EZR: variants seen among roughly 807,000 people sequenced by gnomAD.
EZR encodes cytovillin 2.
In EZR, 40 loss-of-function variants were observed where a neutral mutation model predicts 74.8. The observed-to-expected ratio is 0.53, with a 90% confidence interval of 0.42 to 0.70. The LOEUF is 0.70. EZR is among the 30% of genes least tolerant of loss of function. EZR has a pLI of 0.00. For missense variants in EZR, 678 were observed against 755.8 expected (o/e 0.90, Z 1.21); for synonymous variants, 341 against 283.3 (o/e 1.20, Z -2.05).
At chr6:158,782,881 C>T (rs1489888004) in intron 7 of EZR, among the ~76,000 whole-genome samples, 2 of 152,164 alleles carry the variant, frequency 1.3e-5, no homozygotes, top group African/African-American at 2.4e-5. Context: ...GATGACTTTC[C>T]CTGTTTATCC....
intron 1 of EZR, 57 bp from the exon 2 acceptor site, chr6:158,818,223 G>A (rs908559182): frequency 3.2e-5 from 31 of 983,880 alleles, no homozygotes; most frequent in Middle Eastern, 2.3e-4. Flanking sequence ...TCCTCCTGCC[G>A]CGCCCGACAC....
intron 2 of EZR, among the ~76,000 whole-genome samples, chr6:158,809,916 G>A (rs1417962215): frequency 6.6e-6 from 1 of 152,104 alleles, no homozygotes; most frequent in Non-Finnish European, 1.5e-5. Context: ...GCCAGACTCG[G>A]CCCTAAGATG....
intron 11 of EZR, 108 bp downstream of exon 11, chr6:158,769,676 G>T: frequency 2.0e-6 from 3 of 1,474,214 alleles, no homozygotes; most frequent in South Asian, 2.4e-5. Context: ...CAGCAGATCA[G>T]TTTACAGCTT....
chr6:158,767,653 A>G, intron 12 of EZR, 141 bp from the exon 13 acceptor site: 1 of 824,968 alleles, frequency 1.2e-6, no homozygotes, highest in Non-Finnish European at 1.8e-6. Flanking sequence ...GAAGAGGAGC[A>G]CCCTCAGGGT....
intron 2 of EZR, among the ~76,000 whole-genome samples, chr6:158,811,875 C>A (rs1217376908): frequency 2.2e-3 from 315 of 140,600 alleles, no homozygotes; most frequent in Non-Finnish European, 2.8e-3. Flanking sequence ...ACCCTGTTTC[C>A]AAAAAAAAAA....
Position 158,785,266 on chromosome 6 carries a change from C to T in EZR, c.467+43G>A, listed in dbSNP as rs370702572. The T allele has an allele frequency of 6.6e-5, 106 of 1,603,238 alleles. No individual in the cohort carries two copies. In the African/African-American group the frequency reaches 8.3e-4, roughly 13 times the overall value. On this transcript the variant is annotated intron_variant, in intron 5 of 13. Transcript: ENST00000367075. ...GGCAATCACTTCTCCCTGCCGAGGA[C>T]GGCATGACTGCTCCTGCCCAGGCCG...
At chr6:158,814,194 C>T (rs947421276) in intron 2 of EZR, among the ~76,000 whole-genome samples, 3 of 152,158 alleles carry the variant, frequency 2.0e-5, no homozygotes, top group African/African-American at 7.2e-5. Flanking sequence ...GCCAGTCACA[C>T]ATGAATAGAG....
chr6:158,804,668 T>TA (rs1036011186), intron 2 of EZR, among the ~76,000 whole-genome samples: 5 of 151,318 alleles, frequency 3.3e-5, no homozygotes, highest in African/African-American at 1.2e-4. Flanking sequence ...GATAGGGAAC[T>TA]AAAGGCCTAT....
intron 2 of EZR, among the ~76,000 whole-genome samples, chr6:158,816,233 G>A (rs1777551395): frequency 1.3e-5 from 2 of 152,184 alleles, no homozygotes; most frequent in Non-Finnish European, 2.9e-5. Flanking sequence ...ATAAAGTTCT[G>A]GAGATGGACC....
At chr6:158,808,206 C>T (rs1374644216) in intron 2 of EZR, among the ~76,000 whole-genome samples, 1 of 152,188 alleles carries the variant, frequency 6.6e-6, no homozygotes, top group East Asian at 1.9e-4. Flanking sequence ...CTATGGGGAA[C>T]ATCTGAACCC....
chr6:158,809,333 T>G (rs1303912401), intron 2 of EZR, among the ~76,000 whole-genome samples: 1 of 152,224 alleles, frequency 6.6e-6, no homozygotes, highest in African/African-American at 2.4e-5. Context: ...CAAAAGCTCA[T>G]TTTAAACTAT....
intron 2 of EZR, among the ~76,000 whole-genome samples, chr6:158,811,875 C>CAAATA (rs1554275575): frequency 7.1e-6 from 1 of 140,720 alleles, no homozygotes; most frequent in Non-Finnish European, 1.5e-5. Context: ...ACCCTGTTTC[C>CAAATA]AAAAAAAAAA....
chr6:158,781,386 T>C (rs1791427907), intron 7 of EZR, among the ~76,000 whole-genome samples: 1 of 151,776 alleles, frequency 6.6e-6, no homozygotes, highest in Non-Finnish European at 1.5e-5. Context: ...TCTGAGAGAG[T>C]TGCCACGTTC....
intron 7 of EZR, among the ~76,000 whole-genome samples, chr6:158,778,089 C>G: frequency 6.6e-6 from 1 of 152,214 alleles, no homozygotes. Context: ...GAAAGTGGCA[C>G]CAGGTAGGCA....
intron 4 of EZR, among the ~76,000 whole-genome samples, chr6:158,786,029 T>G (rs1177788558): frequency 6.7e-6 from 1 of 148,420 alleles, no homozygotes. Context: ...CCAGCCTGGG[T>G]GACAGAGCAA....
At position 158,803,920 on chromosome 6, in the gene EZR, T is replaced by G. The variant is rs543186073; in HGVS notation, c.12+14162A>C. Among the ~76,000 whole-genome samples the G allele has an allele frequency of 2.6e-5, 4 of 151,510 alleles. No individual in the cohort carries two copies. The South Asian group carries it at 6.2e-4, about 24-fold the overall frequency. On this transcript the variant is annotated intron_variant, in intron 2 of 13. Coordinates refer to ENST00000367075, the MANE Select transcript of EZR (RefSeq NM_001111077.2). ...AAGGGAACTTTCTGGGCATTCACAT[T>G]CAAAAGAGGGTCATTTTAAAACCAG...
rs1025167940 is a variant in EZR at position 158,766,705 on chromosome 6, T to G, written c.*209A>C. On this transcript the variant is annotated 3_prime_UTR_variant, in exon 14 of 14. Coordinates refer to ENST00000367075, the MANE Select transcript of EZR (RefSeq NM_001111077.2). Reference sequence around the variant, plus strand: ...GGTGATTCGAGAATAATCGCGAGAATCAGGCCTGCTTGGCACTATTACAAC... The same window carrying G: ...GGTGATTCGAGAATAATCGCGAGAAGCAGGCCTGCTTGGCACTATTACAAC... 1.0e-5 allele frequency: 6 copies of G among 598,018 alleles called. No homozygotes were observed. The highest frequency in any genetic ancestry group is 1.8e-5 in the Non-Finnish European group (6 of 335,916). The allele number at this position is 598,018 out of a possible 1,614,324, so 37.0% of individuals were successfully genotyped here.
In EZR at chr6:158,769,877, G is replaced by T. The variant is rs552037775; in HGVS notation, c.1158C>A (p.Ala386=). The T allele has an allele frequency of 6.2e-7, 1 of 1,613,600 alleles. No homozygotes were observed. Residue 386 remains alanine (A), a synonymous_variant, in exon 11 of 14, where the codon GCC becomes GCA. Coordinates refer to ENST00000367075, the MANE Select transcript of EZR (RefSeq NM_001111077.2). The stretch of plus-strand genomic sequence containing the variant: ...CCATACGGTCAGCCTCTAGGCGCTC[G>T]GCCTCCTCCTGTGCCCGCTTCCTCT... ...EEERKRAQEE[A]ERLEADRMAA...
chr6:158,817,116 A>G (rs768019370), intron 2 of EZR, among the ~76,000 whole-genome samples: 14 of 152,160 alleles, frequency 9.2e-5, no homozygotes, highest in Non-Finnish European at 1.3e-4. Flanking sequence ...ACAAGCATTG[A>G]TTACAGAACC....
Sources: gnomAD v4.1 joint callset for allele counts (sites outside exome capture counted in the v4.1 genomes callset) on GRCh38, gnomAD v4.1.1 for gene constraint, MANE v1.5 for transcripts, NCBI Gene and HGNC (gene_info 2026-07-23, HGNC 2026-07-21) for gene names.